Variants in SFRP4 observed in about 807,000 individuals in gnomAD.
SFRP4 encodes secreted frizzled related protein 4, also known as secreted frizzled-related protein 4.
SFRP4 carries 25 observed loss-of-function variants against 36.3 expected under a neutral mutation model. That is an observed-to-expected ratio of 0.69 (90% CI 0.50 to 0.96). The LOEUF (loss-of-function observed/expected upper bound fraction) is 0.96. SFRP4 is among the 40% of genes least tolerant of loss of function. The pLI is 0.00. For missense variants in SFRP4, 487 were observed against 459.6 expected (o/e 1.06, Z -0.54); for synonymous variants, 182 against 168.8 (o/e 1.08, Z -0.60).
Position 37,907,909 on chromosome 7 carries a change from G to A in SFRP4, c.856-245C>T, listed in dbSNP as rs577145980. 3.3e-5 allele frequency among the ~76,000 whole-genome samples: 5 copies of A among 152,232 alleles called. No homozygotes were observed. The South Asian group carries it at 1.0e-3, about 32-fold the overall frequency. On this transcript the variant is annotated intron_variant, in intron 5 of 5. Transcript: ENST00000436072. ...TCCTTCCAAATAGGCACCACTGACA[G>A]GGGCAGGAAACAAGCCCAAAGAGGT...
chr7:37,911,629 C>T (rs1450856), intron 4 of SFRP4, among the ~76,000 whole-genome samples: 143,918 of 152,278 alleles, frequency 0.95, 68,185 homozygotes, highest in Middle Eastern at 0.98. Flanking sequence ...AATCACATAT[C>T]CGATTCAGAA....
At chr7:37,912,466 C>T in intron 3 of SFRP4, 149 bp from the exon 4 acceptor site, 1 of 634,220 alleles carries the variant, frequency 1.6e-6, no homozygotes, top group Non-Finnish European at 2.8e-6. Context: ...GCAAACAGCC[C>T]ACACAGTCAT....
intron 5 of SFRP4, among the ~76,000 whole-genome samples, chr7:37,908,378 A>G (rs767546825): frequency 6.6e-6 from 1 of 152,196 alleles, no homozygotes; most frequent in African/African-American, 2.4e-5. Flanking sequence ...GCTAGAGTCT[A>G]TTTCATTCAG....
In SFRP4 at chr7:37,912,283, A is replaced by C; in HGVS notation, c.627T>G (p.Ser209Arg). 6.2e-7 allele frequency: 1 copy of C among 1,613,988 alleles called. No individual in the cohort carries two copies. The highest frequency in any genetic ancestry group is 8.5e-7 in the Non-Finnish European group (1 of 1,179,882). The change falls in exon 4 of 6, where the codon AGT becomes AGG. Residue 209 changes from serine to arginine, a missense_variant. By Grantham distance (110) the Ser-to-Arg change is moderately radical. Transcript: ENST00000436072. The part of the protein sequence containing the change: ...IHAKIKAVQR[S>R]GCNEVTTVVD... ...CCACCGTTGTGACCTCATTGCAGCCACTCCTCTGCACAGCTTTTATTTTGG... is the reference window on the plus strand; with the variant it reads ...CCACCGTTGTGACCTCATTGCAGCCCCTCCTCTGCACAGCTTTTATTTTGG...
chr7:37,914,561 A>T (rs940012913), intron 1 of SFRP4, 108 bp from the exon 2 acceptor site: 9 of 823,492 alleles, frequency 1.1e-5, no homozygotes, highest in African/African-American at 1.7e-5. Context: ...TCTCAAAATA[A>T]TAGTATTTAA....
rs1047602471 is a variant in SFRP4 at position 37,905,993 on chromosome 7, C to G, written c.*1486G>C. ...AAGAAACCACCTAAGTATCCAATAG[C>G]ACAACAGTTTGTTGAGTAATGCATA... is the stretch of plus-strand genomic sequence containing the variant. On this transcript the variant is annotated 3_prime_UTR_variant, in exon 6 of 6. Transcript: ENST00000436072. 6.6e-6 allele frequency: 1 copy of G among 152,100 alleles called. No homozygotes were observed. The highest frequency in any genetic ancestry group is 2.1e-4 in the South Asian group (1 of 4,822). The allele number at this position is 152,100 out of a possible 1,614,324, so 9.4% of individuals were successfully genotyped here.
chr7:37,911,125 GGTAGA>G (rs1785479609), intron 4 of SFRP4, among the ~76,000 whole-genome samples: 1 of 152,152 alleles, frequency 6.6e-6, no homozygotes, highest in South Asian at 2.1e-4. Flanking sequence ...CAAACACCTT[GGTAGA>G]GATGAGTCCA....
rs554548577 is a variant in SFRP4 at position 37,914,044 on chromosome 7, A to G, written c.592+169T>C. On this transcript the variant is annotated intron_variant, in intron 3 of 5. Transcript: ENST00000436072. ...CATCCAGAAAAGCAAGATATTTTGCAGTTGTTATTGTGCCATATATTAATA... is the reference window on the plus strand; with the variant it reads ...CATCCAGAAAAGCAAGATATTTTGCGGTTGTTATTGTGCCATATATTAATA... Among the ~76,000 whole-genome samples, 25 of 152,378 alleles carry G rather than the reference A, an allele frequency of 1.6e-4. 1 individual carries two copies. The South Asian group carries it at 5.0e-3, about 30-fold the overall frequency.
intron 3 of SFRP4, 107 bp from the exon 4 acceptor site, chr7:37,912,424 A>G (rs2131988167): frequency 1.2e-6 from 1 of 864,206 alleles, no homozygotes; most frequent in Admixed American, 2.2e-5. Context: ...CACTCCTGTA[A>G]TTATGGTTAT....
At chr7:37,914,141 G>C in intron 3 of SFRP4, 72 bp downstream of exon 3, 1 of 1,180,128 alleles carries the variant, frequency 8.5e-7, no homozygotes, top group Non-Finnish European at 1.3e-6. Flanking sequence ...TTTAGTGAGA[G>C]CGACCTTATT....
Position 37,916,083 on chromosome 7 carries a change from A to G in SFRP4, c.445+10T>C, listed in dbSNP as rs781104575. On this transcript the variant is annotated intron_variant, in intron 1 of 5. Coordinates refer to ENST00000436072, the MANE Select transcript of SFRP4 (RefSeq NM_003014.4). The surrounding 1 kb of genome is among the most constrained non-coding windows in gnomAD (Gnocchi z 4.1). ...CTCCTCGCCTCCCTCCATCCTTCCT[A>G]CGGCCTCACCCTCCGGGAGGTCCGT... 6 of 1,603,690 alleles carry G rather than the reference A, an allele frequency of 3.7e-6. No individual in the cohort carries two copies. In the African/African-American group the frequency reaches 6.7e-5, roughly 18 times the overall value.
Position 37,912,174 on chromosome 7 carries a change from G to T in SFRP4, c.736C>A (p.Pro246Thr). The T allele has an allele frequency of 6.2e-7, 1 of 1,614,158 alleles. No individual in the cohort carries two copies. ...ACATCTTGATGGGGCAGGATGTGTG[G>T]ACACTGGCAAGAAGAATTTGTAATG... ...PLITNSSCQC[P>T]HILPHQDVLI... Residue 246 changes from proline (P) to threonine (T), a missense_variant, in exon 4 of 6, where the codon CCA (proline) becomes ACA (threonine). Coordinates refer to ENST00000436072, the MANE Select transcript of SFRP4 (RefSeq NM_003014.4).
chr7:37,914,228 T>C lies in SFRP4; in HGVS notation c.577A>G (p.Lys193Glu), dbSNP rs1170146047. ...VKPTLATYLS[K>E]NYSYVIHAKI... Reference sequence around the variant, plus strand: ...GACGACTTACCATAGCTGTAGTTTTTGCTGAGATACGTTGCCAAAGTTGGC... The same window carrying C: ...GACGACTTACCATAGCTGTAGTTTTCGCTGAGATACGTTGCCAAAGTTGGC... Residue 193 changes from lysine (K) to glutamate (E), a missense_variant, in exon 3 of 6, where the codon AAA (lysine) becomes GAA (glutamate). Physicochemically the swap from Lys to Glu is moderately conservative, Grantham distance 56. Coordinates refer to ENST00000436072, the MANE Select transcript of SFRP4 (RefSeq NM_003014.4). 4.3e-6 allele frequency: 7 copies of C among 1,613,872 alleles called. No homozygotes were observed. Among genetic ancestry groups the C allele is most frequent in the Non-Finnish European group, 5.9e-6 (7 of 1,179,822 alleles).
intron 5 of SFRP4, among the ~76,000 whole-genome samples, chr7:37,909,269 T>A (rs1335357410): frequency 6.6e-6 from 1 of 152,190 alleles, no homozygotes; most frequent in African/African-American, 2.4e-5. Context: ...CCTCCAAATA[T>A]ATGTCAGTTT....
At chr7:37,912,565 G>A (rs923429146) in intron 3 of SFRP4, among the ~76,000 whole-genome samples, 13 of 152,174 alleles carry the variant, frequency 8.5e-5, no homozygotes, top group African/African-American at 3.1e-4. Flanking sequence ...TGAAAAGCAG[G>A]TTTTAGTCTT....
rs1264180666 is a variant in SFRP4, at chr7:37,910,472, T to C, written c.792-792A>G. On this transcript the variant is annotated intron_variant, in intron 4 of 5. Transcript: ENST00000436072. The stretch of plus-strand genomic sequence containing the variant: ...GTATGTTTCTCAATTTTTATTTGCC[T>C]TTCTATCATTATTTGTGATTTTTAT... Among the ~76,000 whole-genome samples, 4 of 152,128 alleles carry C rather than the reference T, an allele frequency of 2.6e-5. No homozygotes were observed. The East Asian group carries it at 7.7e-4, about 29-fold the overall frequency.
rs1317368256 is a variant in SFRP4, at chr7:37,907,639, T to C, written c.881A>G (p.Gln294Arg). Residue 294 changes from glutamine to arginine, a missense_variant, in exon 6 of 6, where the codon CAG (glutamine) becomes CGG (arginine). Gln to Arg is a conservative substitution (Grantham distance 43, BLOSUM62 1). Coordinates refer to ENST00000436072, the MANE Select transcript of SFRP4 (RefSeq NM_003014.4). ...CTTCTTGTCCTGAACTGTTCTCCGC[T>C]GTTCCTGCAGCCTCTCTTCCCACTG... ...SIQWEERLQEQRRTVQDKKKT... is the reference protein window; with the variant it reads ...SIQWEERLQERRRTVQDKKKT... 2 of 1,610,604 alleles carry C rather than the reference T, an allele frequency of 1.2e-6. No individual in the cohort carries two copies. Among genetic ancestry groups the C allele is most frequent in the Non-Finnish European group, 1.7e-6 (2 of 1,178,790 alleles).
At chr7:37,913,202 A>G (rs1487411428) in intron 3 of SFRP4, among the ~76,000 whole-genome samples, 7 of 152,150 alleles carry the variant, frequency 4.6e-5, no homozygotes, top group Admixed American at 1.3e-4. Flanking sequence ...GAAAAGATAA[A>G]CTACTTTTTG....
Position 37,907,174 on chromosome 7 carries a change from C to A in SFRP4, c.*305G>T, listed in dbSNP as rs1374089178. On this transcript the variant is annotated 3_prime_UTR_variant, in exon 6 of 6. Coordinates refer to ENST00000436072, the MANE Select transcript of SFRP4 (RefSeq NM_003014.4). Reference sequence around the variant, plus strand: ...ACATATTAGGTCGAATTGTAACAAGCATTATTTTCCCTACTCTTCTAGAGT... The same window carrying A: ...ACATATTAGGTCGAATTGTAACAAGAATTATTTTCCCTACTCTTCTAGAGT... The A allele has an allele frequency of 5.7e-5, 13 of 229,846 alleles. No individual in the cohort carries two copies. The highest frequency in any genetic ancestry group is 1.0e-4 in the Non-Finnish European group (12 of 119,832). The allele number at this position is 229,846 out of a possible 1,614,324, so 14.2% of individuals were successfully genotyped here.
Sources: gnomAD v4.1 joint callset for allele counts (sites outside exome capture counted in the v4.1 genomes callset) on GRCh38, gnomAD v4.1.1 for gene constraint, Gnocchi (gnomAD v3.1) non-coding constraint, MANE v1.5 for transcripts, NCBI Gene and HGNC (gene_info 2026-07-23, HGNC 2026-07-21) for gene names.